SLX4IP: variants seen among roughly 807,000 people sequenced by gnomAD.
The protein encoded by SLX4IP is protein SLX4IP.
In SLX4IP, 34 loss-of-function variants were observed where a neutral mutation model predicts 32.9. The ratio of observed to expected loss-of-function variants is 1.03; its 90% confidence interval spans 0.79 to 1.38. The LOEUF (loss-of-function observed/expected upper bound fraction) is 1.38, where lower values mean the gene tolerates loss of function less well. Among genes scored for constraint, SLX4IP ranks in the 40% most tolerant of loss-of-function variants. The probability of loss-of-function intolerance (pLI) is 0.00; values close to 1 mark genes in which losing one functional copy is unlikely to be tolerated. For missense variants in SLX4IP, 444 were observed against 479.0 expected (o/e 0.93, Z 0.68); for synonymous variants, 172 against 171.7 (o/e 1.00, Z -0.01).
chr20:10,500,393 T>G (rs1215749337), intron 2 of SLX4IP, among the ~76,000 whole-genome samples: 2 of 152,062 alleles, frequency 1.3e-5, no homozygotes, highest in African/African-American at 4.8e-5. Context: ...CCTCCGAAAG[T>G]GCTTGGATTA....
chr20:10,529,670 A>G (rs531677435), intron 2 of SLX4IP, among the ~76,000 whole-genome samples: 1 of 149,020 alleles, frequency 6.7e-6, no homozygotes, highest in African/African-American at 2.5e-5. Flanking sequence ...TACTTTTGTT[A>G]GAATTCCATA....
At chr20:10,544,067 TC>T (rs2066137770) in intron 2 of SLX4IP, among the ~76,000 whole-genome samples, 1 of 152,176 alleles carries the variant, frequency 6.6e-6, no homozygotes, top group South Asian at 2.1e-4. Flanking sequence ...CTCCTCCTCA[TC>T]CCAGTGGTCG....
At chr20:10,530,509 GA>G (rs1459109001) in intron 2 of SLX4IP, among the ~76,000 whole-genome samples, 1 of 152,172 alleles carries the variant, frequency 6.6e-6, no homozygotes, top group Non-Finnish European at 1.5e-5. Context: ...AGGAGTTTGG[GA>G]AAAGTGCACA....
At chr20:10,554,193 A>G (rs775170960) in intron 2 of SLX4IP, among the ~76,000 whole-genome samples, 1 of 152,218 alleles carries the variant, frequency 6.6e-6, no homozygotes, top group Admixed American at 6.5e-5. Flanking sequence ...TTAGAATTAT[A>G]TATAGATGGA....
chr20:10,518,907 AAC>A (rs1353780458), intron 2 of SLX4IP, among the ~76,000 whole-genome samples: 2 of 152,162 alleles, frequency 1.3e-5, no homozygotes, highest in Non-Finnish European at 2.9e-5. Flanking sequence ...ATGTTTGCCT[AAC>A]ACAGGTGAGT....
At chr20:10,516,636 G>A (rs938926073) in intron 2 of SLX4IP, among the ~76,000 whole-genome samples, 6 of 152,158 alleles carry the variant, frequency 3.9e-5, no homozygotes, top group Non-Finnish European at 7.3e-5. Context: ...GGTCTAACAC[G>A]GAAAACCTCA....
intron 1 of SLX4IP, among the ~76,000 whole-genome samples, chr20:10,450,315 G>C (rs758013893): frequency 2.0e-5 from 3 of 152,034 alleles, no homozygotes; most frequent in Non-Finnish European, 4.4e-5. Flanking sequence ...TTAATTCTTA[G>C]CAAGATTATT....
intron 4 of SLX4IP, among the ~76,000 whole-genome samples, chr20:10,582,084 A>G (rs1207496194): frequency 2.0e-5 from 3 of 152,156 alleles, no homozygotes; most frequent in Admixed American, 1.3e-4. Flanking sequence ...GCCCCAGGGA[A>G]TGGTGAATTC....
Position 10,626,457 on chromosome 20 carries a change from C to T in SLX4IP, c.*3078C>T, listed in dbSNP as rs2122579396. ...GTAGTACCCCAAATTATATTCAAGT[C>T]CCTGTGACTCCAATGCTTGGAGAAG... On this transcript the variant is annotated 3_prime_UTR_variant, in exon 8 of 8. Transcript: ENST00000334534. 6.6e-6 allele frequency: 1 copy of T among 152,170 alleles called. No homozygotes were observed. Among genetic ancestry groups the T allele is most frequent in the South Asian group, 2.1e-4 (1 of 4,822 alleles). The allele number at this position is 152,170 out of a possible 1,614,324, so 9.4% of individuals were successfully genotyped here.
intron 6 of SLX4IP, among the ~76,000 whole-genome samples, chr20:10,616,321 C>T (rs538090726): frequency 2.1e-4 from 32 of 151,698 alleles, no homozygotes; most frequent in African/African-American, 7.7e-4. Context: ...TAGTCTTCCT[C>T]CTTGTAACCT....
chr20:10,500,992 C>T (rs897981486), intron 2 of SLX4IP, among the ~76,000 whole-genome samples: 5 of 152,124 alleles, frequency 3.3e-5, no homozygotes, highest in Non-Finnish European at 7.3e-5. Context: ...TCCTGTAGAA[C>T]CAGTGTTTTC....
In SLX4IP at chr20:10,625,034, G is replaced by A. The variant is rs7262149; in HGVS notation, c.*1655G>A. 2,465 of 152,024 alleles carry A rather than the reference G, an allele frequency of 0.016. 73 individuals carry two copies. Among genetic ancestry groups the A allele is most frequent in the African/African-American group, 0.055 (2,296 of 41,504 alleles). 9.4% of individuals were successfully genotyped at this position (152,024 alleles called of 1,614,324 possible). ...TCTTGGCTTTTTTCCTGCTCCCAGCGGAACCCAGTCAGGGGATTCTATAGG... is the reference window on the plus strand; with the variant it reads ...TCTTGGCTTTTTTCCTGCTCCCAGCAGAACCCAGTCAGGGGATTCTATAGG... On this transcript the variant is annotated 3_prime_UTR_variant, in exon 8 of 8. Transcript: ENST00000334534.
intron 2 of SLX4IP, among the ~76,000 whole-genome samples, chr20:10,522,571 A>C (rs1461382657): frequency 1.3e-5 from 2 of 152,196 alleles, no homozygotes; most frequent in Non-Finnish European, 2.9e-5. Flanking sequence ...GTGACAGTGC[A>C]TGCAACTAAA....
intron 2 of SLX4IP, among the ~76,000 whole-genome samples, chr20:10,519,639 GTTTC>G (rs2065886719): frequency 6.6e-6 from 1 of 152,144 alleles, no homozygotes; most frequent in African/African-American, 2.4e-5. Flanking sequence ...CATTTGGATT[GTTTC>G]TACTTTTGGA....
chr20:10,617,276 T>A (rs1003528253), intron 6 of SLX4IP, among the ~76,000 whole-genome samples: 1 of 152,344 alleles, frequency 6.6e-6, no homozygotes, highest in East Asian at 1.9e-4. Flanking sequence ...AACCTAAATA[T>A]AGATGCCCTC....
At chr20:10,577,517 A>G (rs977546442) in intron 4 of SLX4IP, among the ~76,000 whole-genome samples, 3 of 152,186 alleles carry the variant, frequency 2.0e-5, no homozygotes, top group Non-Finnish European at 2.9e-5. Flanking sequence ...GAAGTTCAAG[A>G]TCTACCTGGG....
chr20:10,483,018 A>G (rs2065538012), intron 2 of SLX4IP, among the ~76,000 whole-genome samples: 1 of 152,200 alleles, frequency 6.6e-6, no homozygotes, highest in Admixed American at 6.5e-5. Context: ...TAGAGCATAC[A>G]CTGTTCATGT....
chr20:10,492,662 T>TA (rs2065633896), intron 2 of SLX4IP, among the ~76,000 whole-genome samples: 1 of 152,214 alleles, frequency 6.6e-6, no homozygotes, highest in Non-Finnish European at 1.5e-5. Flanking sequence ...TATGGACTGA[T>TA]ATATCAGTCT....
At chr20:10,445,195 T>A (rs1050377820) in intron 1 of SLX4IP, among the ~76,000 whole-genome samples, 4 of 152,010 alleles carry the variant, frequency 2.6e-5, no homozygotes, top group Non-Finnish European at 5.9e-5. Context: ...GAAGCTCTCC[T>A]TCCACCCCCT....
Sources: allele counts gnomAD v4.1 joint callset (sites outside exome capture counted in the v4.1 genomes callset), GRCh38; gene constraint gnomAD v4.1.1; transcripts MANE v1.5; gene names NCBI Gene and HGNC (gene_info 2026-07-23, HGNC 2026-07-21).